The following DCSTAMP variants were observed in gnomAD, a reference collection of about 807,000 sequenced individuals.
The protein encoded by DCSTAMP is dendritic cell-specific transmembrane protein.
Under a neutral mutation model 33.8 loss-of-function variants are expected in DCSTAMP, and 25 were observed. That is an observed-to-expected ratio of 0.74 (90% CI 0.54 to 1.03). DCSTAMP has a LOEUF of 1.03. Among genes scored for constraint, DCSTAMP ranks in the 50% least tolerant of loss-of-function variants. DCSTAMP has a pLI of 0.00. For missense variants in DCSTAMP, 531 were observed against 556.8 expected, an observed-to-expected ratio of 0.95 and a Z score of 0.47; for synonymous variants, 245 against 216.7, an observed-to-expected ratio of 1.13 and a Z score of -1.15.
intron 1 of DCSTAMP, among the ~76,000 whole-genome samples, chr8:104,345,760 A>T (rs1810294951): frequency 6.6e-6 from 1 of 152,252 alleles, no homozygotes; most frequent in Admixed American, 6.5e-5. Flanking sequence ...ATGGTGCCTC[A>T]TAAAGGAAAT....
Position 104,356,295 on chromosome 8 carries a change from A to G in DCSTAMP, c.*97A>G. 8.1e-7 allele frequency: 1 copy of G among 1,234,536 alleles called. No individual in the cohort carries two copies. Among genetic ancestry groups the G allele is most frequent in the East Asian group, 2.8e-5 (1 of 36,000 alleles). The allele number at this position is 1,234,536 out of a possible 1,614,324, so 76.5% of individuals were successfully genotyped here. On this transcript the variant is annotated 3_prime_UTR_variant, in exon 4 of 4. Coordinates refer to ENST00000297581, the MANE Select transcript of DCSTAMP (RefSeq NM_030788.4). ...ATGCCGGATAATAGAGAACTATGTG[A>G]CGCAGTCCTCTCAGGAGTCTGAGTT...
chr8:104,341,317 T>C (rs1193331845), intron 1 of DCSTAMP, among the ~76,000 whole-genome samples: 5 of 152,240 alleles, frequency 3.3e-5, no homozygotes, highest in African/African-American at 1.2e-4. Context: ...CTGGACCTTG[T>C]ATCTGAAGCA....
At chr8:104,351,862 G>T (rs1197903641) in intron 2 of DCSTAMP, among the ~76,000 whole-genome samples, 1 of 152,008 alleles carries the variant, frequency 6.6e-6, no homozygotes, top group African/African-American at 2.4e-5. Context: ...CTATCCACAG[G>T]GTCATGACAG....
intron 1 of DCSTAMP, among the ~76,000 whole-genome samples, chr8:104,347,585 A>G (rs1810346678): frequency 6.6e-6 from 1 of 152,256 alleles, no homozygotes; most frequent in South Asian, 2.1e-4. Context: ...AGTGGCTTAA[A>G]ATAAATCAGC....
rs144686783 is a variant in DCSTAMP at position 104,348,702 on chromosome 8, C to T, written c.150C>T (p.Ala50=). The change falls in exon 2 of 4, where the codon GCC becomes GCT. Residue 50 remains alanine, a synonymous_variant. Coordinates refer to ENST00000297581, the MANE Select transcript of DCSTAMP (RefSeq NM_030788.4). ...TTTCAGTGGGCCTCCTGTCTGTGGC[C>T]GCCTGCTGGTTTCTGCCATCAATCA... ...ALISVGLLSV[A]ACWFLPSIIA... 1.2e-4 allele frequency: 196 copies of T among 1,614,008 alleles called. No individual in the cohort carries two copies. Among genetic ancestry groups the T allele is most frequent in the African/African-American group, 8.0e-5 (6 of 74,908 alleles).
intron 1 of DCSTAMP, among the ~76,000 whole-genome samples, chr8:104,340,099 C>T (rs1038849925): frequency 1.3e-5 from 2 of 152,092 alleles, no homozygotes; most frequent in African/African-American, 4.8e-5. Flanking sequence ...CGCGAGCCAC[C>T]CTTCACTTTA....
intron 1 of DCSTAMP, among the ~76,000 whole-genome samples, chr8:104,347,554 T>C (rs1810346032): frequency 6.6e-6 from 1 of 152,238 alleles, no homozygotes; most frequent in Non-Finnish European, 1.5e-5. Context: ...AAAGACTCTC[T>C]AGCAGACCAG....
At position 104,348,773 on chromosome 8, in the gene DCSTAMP, G is replaced by T. The variant is rs771611522; in HGVS notation, c.221G>T (p.Cys74Phe). 29 of 1,614,054 alleles carry T rather than the reference G, an allele frequency of 1.8e-5. No individual in the cohort carries two copies. In the Admixed American group the frequency reaches 2.7e-4, roughly 15 times the overall value. Residue 74 changes from cysteine (C) to phenylalanine (F), a missense_variant, in exon 2 of 4, where the codon TGC becomes TTC. By Grantham distance (205) the Cys-to-Phe change is radical (BLOSUM62 -2). Coordinates refer to ENST00000297581, the MANE Select transcript of DCSTAMP (RefSeq NM_030788.4). ...SWIITCVLLC[C>F]SKHARCFILL... ...ATTATCACGTGTGTTCTGCTGTGTT[G>T]CTCCAAGCATGCACGATGTTTTATT...
chr8:104,345,087 C>A (rs879626008), intron 1 of DCSTAMP, among the ~76,000 whole-genome samples: 1 of 152,006 alleles, frequency 6.6e-6, no homozygotes. Flanking sequence ...CCACGCTCAG[C>A]CTCCAGTGCC....
In DCSTAMP at chr8:104,356,340, A is replaced by G; in HGVS notation, c.*142A>G. 1 of 665,428 alleles carries G rather than the reference A, an allele frequency of 1.5e-6. No individual in the cohort carries two copies. The highest frequency in any genetic ancestry group is 2.3e-6 in the Non-Finnish European group (1 of 433,476). The allele number at this position is 665,428 out of a possible 1,614,324, so 41.2% of individuals were successfully genotyped here. ...TGAGTTTACAGAGCCAACTTGCAGC[A>G]CCTGGTTATGCCTCCTTTCATCTCA... On this transcript the variant is annotated 3_prime_UTR_variant, in exon 4 of 4. Transcript: ENST00000297581.
intron 2 of DCSTAMP, among the ~76,000 whole-genome samples, chr8:104,351,248 G>T (rs373480596): frequency 3.3e-5 from 5 of 152,316 alleles, no homozygotes; most frequent in East Asian, 3.9e-4. Context: ...TGAGACACTT[G>T]TCTTATTGTT....
chr8:104,343,187 A>C (rs1468901766), intron 1 of DCSTAMP, among the ~76,000 whole-genome samples: 3 of 152,210 alleles, frequency 2.0e-5, no homozygotes, highest in Admixed American at 1.3e-4. Flanking sequence ...TCATTTAAAC[A>C]TGGGTTAAAA....
At chr8:104,353,049 G>A (rs1180969596) in intron 2 of DCSTAMP, among the ~76,000 whole-genome samples, 1 of 152,204 alleles carries the variant, frequency 6.6e-6, no homozygotes, top group African/African-American at 2.4e-5. Context: ...TTAATTATGT[G>A]TTTTGAATAA....
At chr8:104,353,975 G>T (rs1205492963) in intron 2 of DCSTAMP, among the ~76,000 whole-genome samples, 1 of 152,178 alleles carries the variant, frequency 6.6e-6, no homozygotes, top group Non-Finnish European at 1.5e-5. Flanking sequence ...GAGATTAAAT[G>T]ACTTTCCCAG....
rs1810584758 is a variant in DCSTAMP at position 104,355,129 on chromosome 8, AG to A, written c.1283del (p.Arg428AsnfsTer13). 1.9e-6 allele frequency: 3 copies of A among 1,614,120 alleles called. No individual in the cohort carries two copies. Among genetic ancestry groups the A allele is most frequent in the Non-Finnish European group, 2.5e-6 (3 of 1,180,024 alleles). ...TCTGCATGCAAAGCTGCTTAAAAAA[AG>A]ATCAAAGCAGCCGCTGGGAGAAGTC... The part of the protein sequence containing the change: ...QYLHAKLLKK[R>X]SKQPLGEVKR... On this transcript the variant is annotated frameshift_variant, in exon 3 of 4. Coordinates refer to ENST00000297581, the MANE Select transcript of DCSTAMP (RefSeq NM_030788.4). LOFTEE classifies it high-confidence loss of function.
At chr8:104,344,584 C>T (rs1810245724) in intron 1 of DCSTAMP, among the ~76,000 whole-genome samples, 2 of 152,164 alleles carry the variant, frequency 1.3e-5, no homozygotes, top group Non-Finnish European at 2.9e-5. Context: ...TGCCAACTCT[C>T]AGGGGCCACC....
chr8:104,355,135 A>G lies in DCSTAMP; in HGVS notation c.1288A>G (p.Lys430Glu). 1 of 1,614,082 alleles carries G rather than the reference A, an allele frequency of 6.2e-7. No individual in the cohort carries two copies. The highest frequency in any genetic ancestry group is 8.5e-7 in the Non-Finnish European group (1 of 1,180,008). Residue 430 changes from lysine to glutamate, a missense_variant, in exon 3 of 4, where the codon AAG becomes GAG. Coordinates refer to ENST00000297581, the MANE Select transcript of DCSTAMP (RefSeq NM_030788.4). ...TGCAAAGCTGCTTAAAAAAAGATCA[A>G]AGCAGCCGCTGGGAGAAGTCAAAAG... ...LHAKLLKKRS[K>E]QPLGEVKRRL...
rs150132424 is a variant in DCSTAMP at position 104,346,672 on chromosome 8, T to C, written c.-12-1869T>C. ...CTTCAACACTCAGGCTCGCCTCATATCTCTTTTCTGCTCTGAGCATTTCCA... is the reference window on the plus strand; with the variant it reads ...CTTCAACACTCAGGCTCGCCTCATACCTCTTTTCTGCTCTGAGCATTTCCA... On this transcript the variant is annotated intron_variant, in intron 1 of 3. Transcript: ENST00000297581. Among the ~76,000 whole-genome samples, 1,343 of 152,356 alleles carry C rather than the reference T, an allele frequency of 8.8e-3. 14 individuals are homozygous for C. Among genetic ancestry groups the C allele is most frequent in the Middle Eastern group, 0.024 (7 of 294 alleles).
At position 104,343,711 on chromosome 8, in the gene DCSTAMP, T is replaced by C. The variant is rs563909554; in HGVS notation, c.-13+3849T>C. ...TGGGTAAAATGATTTCTGGGTGCCA[T>C]GTTGGAAAAGTCTTTGTACTTAATT... On this transcript the variant is annotated intron_variant, in intron 1 of 3. Transcript: ENST00000297581. Among the ~76,000 whole-genome samples the C allele has an allele frequency of 5.5e-4, 84 of 152,230 alleles. 2 individuals are homozygous for C. In the South Asian group the frequency reaches 0.015, roughly 26 times the overall value.
Sources: gnomAD v4.1 joint callset for allele counts (sites outside exome capture counted in the v4.1 genomes callset) on GRCh38, gnomAD v4.1.1 for gene constraint, MANE v1.5 for transcripts, NCBI Gene and HGNC (gene_info 2026-07-23, HGNC 2026-07-21) for gene names.